MDC1: variants seen among roughly 807,000 people sequenced by gnomAD.
MDC1 encodes mediator of DNA damage checkpoint 1.
A neutral mutation model predicts 142.5 loss-of-function variants in MDC1; 81 were observed. That is an observed-to-expected ratio of 0.57 (90% CI 0.47 to 0.68). MDC1 has a LOEUF of 0.68. Among genes scored for constraint, MDC1 ranks in the 30% least tolerant of loss-of-function variants. The pLI, the probability that MDC1 is intolerant of heterozygous loss-of-function variation, is 0.00. For synonymous variants in MDC1, 797 were observed against 968.4 expected, an observed-to-expected ratio of 0.82 and a Z score of 3.29; for missense variants, 2,119 against 2,547.9, an observed-to-expected ratio of 0.83 and a Z score of 3.62.
chr6:30,707,598 C>T lies in MDC1; in HGVS notation c.2981G>A (p.Gly994Glu). ...ATGCCTCCTGGGGCTCACTGGGGAT[C>T]CCCTTCCACCTGACTGGCTCCCAGA... ...VPSGSQSGGR[G>E]SPVSPRRHQK... The change falls in exon 8 of 15, where the codon GGA (glycine) becomes GAA (glutamate). Residue 994 changes from glycine to glutamate, a missense_variant. Physicochemically the swap from Gly to Glu is moderately conservative, Grantham distance 98. Coordinates refer to ENST00000376406, the MANE Select transcript of MDC1 (RefSeq NM_014641.3). 2.5e-6 allele frequency: 4 copies of T among 1,612,294 alleles called. No individual in the cohort carries two copies. Among genetic ancestry groups the T allele is most frequent in the Non-Finnish European group, 3.4e-6 (4 of 1,179,422 alleles).
At position 30,707,869 on chromosome 6, in the gene MDC1, GT is replaced by G. The variant is rs1774174380; in HGVS notation, c.2709del (p.Lys903AsnfsTer17). On this transcript the variant is annotated frameshift_variant, in exon 8 of 15. Transcript: ENST00000376406. LOFTEE classifies it high-confidence loss of function. ...EIETSEEIQE[K>X]QVQKQTLPSK... is the part of the protein sequence containing the mutation. ...CTTGGAAGGGTCTGCTTCTGTACTT[GT>G]TTCTCTTGTATTTCCTCAGATGTCT... is the stretch of plus-strand genomic sequence containing the variant. 1 of 1,612,962 alleles carries G rather than the reference GT, an allele frequency of 6.2e-7. No individual in the cohort carries two copies. The highest frequency in any genetic ancestry group is 8.5e-7 in the Non-Finnish European group (1 of 1,180,042).
In MDC1 at chr6:30,715,755, T is replaced by C. The variant is rs2127729659; in HGVS notation, c.-3-577A>G. 6.6e-6 allele frequency among the ~76,000 whole-genome samples: 1 copy of C among 152,346 alleles called. No homozygotes were observed. The highest frequency in any genetic ancestry group is 1.9e-4 in the East Asian group (1 of 5,190). ...ATGACATATATAGAAGCTTCCTATGTGTCAAGCACTGTTCTAATTACTTTA... is the reference window on the plus strand; with the variant it reads ...ATGACATATATAGAAGCTTCCTATGCGTCAAGCACTGTTCTAATTACTTTA... On this transcript the variant is annotated intron_variant, in intron 1 of 14. Coordinates refer to ENST00000376406, the MANE Select transcript of MDC1 (RefSeq NM_014641.3). This position sits in a 1 kb window ranked among gnomAD's most constrained non-coding sequence, Gnocchi z 4.1.
chr6:30,702,788 G>T lies in MDC1; in HGVS notation c.5955C>A (p.Asp1985Glu). ...QEKNFGFSLQDALSRARERRL... is the reference protein window; with the variant it reads ...QEKNFGFSLQEALSRARERRL... Reference sequence around the variant, plus strand: ...TTCGCTCCCGAGCCCTGCTCAGTGCGTCTTGAAGGCTAAAGCCAAAGTTCT... The same window carrying T: ...TTCGCTCCCGAGCCCTGCTCAGTGCTTCTTGAAGGCTAAAGCCAAAGTTCT... Residue 1985 changes from aspartate to glutamate, a missense_variant, in exon 13 of 15, where the codon GAC becomes GAA. Asp to Glu is a conservative substitution (Grantham distance 45, BLOSUM62 2). Transcript: ENST00000376406. 1 of 1,613,138 alleles carries T rather than the reference G, an allele frequency of 6.2e-7. No homozygotes were observed.
Position 30,715,310 on chromosome 6 carries a change from C to T in MDC1, c.-3-132G>A, listed in dbSNP as rs901032432. ...GATGCTTCTCTTTCCACCAATCTTT[C>T]TGTTGTTAACCTTCTGAAGCACTTA... On this transcript the variant is annotated intron_variant, in intron 1 of 14. Coordinates refer to ENST00000376406, the MANE Select transcript of MDC1 (RefSeq NM_014641.3). This position sits in a 1 kb window ranked among gnomAD's most constrained non-coding sequence, Gnocchi z 4.1. 1 of 1,031,402 alleles carries T rather than the reference C, an allele frequency of 9.7e-7. No homozygotes were observed. The highest frequency in any genetic ancestry group is 1.6e-5 in the African/African-American group (1 of 62,178). The allele number at this position is 1,031,402 out of a possible 1,614,324, so 63.9% of individuals were successfully genotyped here.
rs748585983 is a variant in MDC1, at chr6:30,712,352, C to T, written c.1590G>A (p.Pro530=). The change falls in exon 5 of 15, where the codon CCG becomes CCA. Residue 530 remains proline, a synonymous_variant. Coordinates refer to ENST00000376406, the MANE Select transcript of MDC1 (RefSeq NM_014641.3). This position sits in a 1 kb window ranked among gnomAD's most constrained non-coding sequence, Gnocchi z 4.7. The part of the protein sequence containing the change: ...DINTQVEKEV[P]PGSAIIHIKK... ...TTATATGTATAATGGCTGACCCTGG[C>T]GGGACTTCCTTCTCCACTTGTGTGT... 2.7e-5 allele frequency: 43 copies of T among 1,612,890 alleles called. No homozygotes were observed. The highest frequency in any genetic ancestry group is 4.0e-5 in the African/African-American group (3 of 74,910).
rs1772413971 is a variant in MDC1 at position 30,700,332 on chromosome 6, T to G, written c.*133A>C. On this transcript the variant is annotated 3_prime_UTR_variant, in exon 15 of 15. Transcript: ENST00000376406. ...AATCCCTTATCTTTTCATTTATTCA[T>G]AAAGATTTCTGGTCCCACCCATGTT... is the stretch of plus-strand genomic sequence containing the variant. 1.1e-6 allele frequency: 1 copy of G among 916,938 alleles called. No homozygotes were observed. The highest frequency in any genetic ancestry group is 1.7e-5 in the African/African-American group (1 of 60,090). 56.8% of individuals were successfully genotyped at this position (916,938 alleles called of 1,614,324 possible).
In MDC1 at chr6:30,708,365, G is replaced by T; in HGVS notation, c.2222-8C>A. Reference sequence around the variant, plus strand: ...ATGGTTCATCTAGGGTACCTGGAAGGGGAGGAAGGAAGAGAGAGAGAGGGA... The same window carrying T: ...ATGGTTCATCTAGGGTACCTGGAAGTGGAGGAAGGAAGAGAGAGAGAGGGA... On this transcript the variant is annotated splice_polypyrimidine_tract_variant and splice_region_variant and intron_variant, in intron 7 of 14. Transcript: ENST00000376406. 6.2e-7 allele frequency: 1 copy of T among 1,603,878 alleles called. No homozygotes were observed. The highest frequency in any genetic ancestry group is 8.5e-7 in the Non-Finnish European group (1 of 1,176,734).
rs781739100 is a variant in MDC1 at position 30,702,735 on chromosome 6, A to G, written c.5991+17T>C. Reference sequence around the variant, plus strand: ...TGGAGGGAGGGCTGAAGCACAGGTTAAAAGATAGCCTCTCACCTCTAGCAG... The same window carrying G: ...TGGAGGGAGGGCTGAAGCACAGGTTGAAAGATAGCCTCTCACCTCTAGCAG... On this transcript the variant is annotated intron_variant, in intron 13 of 14. Coordinates refer to ENST00000376406, the MANE Select transcript of MDC1 (RefSeq NM_014641.3). 1 of 1,612,980 alleles carries G rather than the reference A, an allele frequency of 6.2e-7. No individual in the cohort carries two copies. Among genetic ancestry groups the G allele is most frequent in the African/African-American group, 1.3e-5 (1 of 74,940 alleles).
rs374207173 is a variant in MDC1 at position 30,710,393 on chromosome 6, T to G, written c.2221+1019A>C. ...CATGAGGCACTGTGCCCGGCCTACA[T>G]TTTCTTTTCTTTCGTTTTTTTGAGA... On this transcript the variant is annotated intron_variant, in intron 7 of 14. Coordinates refer to ENST00000376406, the MANE Select transcript of MDC1 (RefSeq NM_014641.3). 7.9e-5 allele frequency among the ~76,000 whole-genome samples: 12 copies of G among 150,954 alleles called. No individual in the cohort carries two copies. The East Asian group carries it at 2.4e-3, about 30-fold the overall frequency.
Position 30,715,559 on chromosome 6 carries a change from G to A in MDC1, c.-3-381C>T, listed in dbSNP as rs1439354428. Among the ~76,000 whole-genome samples the A allele has an allele frequency of 6.6e-6, 1 of 152,170 alleles. No homozygotes were observed. The highest frequency in any genetic ancestry group is 2.4e-5 in the African/African-American group (1 of 41,448). ...TTGCCATATTGGCCAGGGTGGACTC[G>A]AACTCTTGACCTTGGGTGATCCGCC... is the stretch of plus-strand genomic sequence containing the variant. On this transcript the variant is annotated intron_variant, in intron 1 of 14. Transcript: ENST00000376406. The surrounding 1 kb of genome is among the most constrained non-coding windows in gnomAD (Gnocchi z 4.1).
At chr6:30,708,415 A>G in intron 7 of MDC1, 58 bp from the exon 8 acceptor site, 2 of 1,377,194 alleles carry the variant, frequency 1.5e-6, no homozygotes, top group East Asian at 2.4e-5. Context: ...AGGGAGAGGA[A>G]GAGGGAAAGG....
intron 7 of MDC1, 22 bp downstream of exon 7, chr6:30,711,390 A>G (rs1774861196): frequency 6.3e-7 from 1 of 1,594,768 alleles, no homozygotes; most frequent in Non-Finnish European, 8.6e-7. Context: ...GGGGACACAG[A>G]GGAGGGAAGA....
In MDC1 at chr6:30,703,121, G is replaced by A; in HGVS notation, c.5848C>T (p.Leu1950=). Reference sequence around the variant, plus strand: ...CCTCTCACCTGATGCAGCCAGTCCAGGGACAGAATGGGGATTCCCCGCCCC... The same window carrying A: ...CCTCTCACCTGATGCAGCCAGTCCAAGGACAGAATGGGGATTCCCCGCCCC... The part of the protein sequence containing the change: ...ALGRGIPILS[L]DWLHQSRKAG... The change falls in exon 12 of 15, where the codon CTG becomes TTG. Residue 1950 remains leucine, a synonymous_variant. Transcript: ENST00000376406. This position sits in a 1 kb window ranked among gnomAD's most constrained non-coding sequence, Gnocchi z 4.4. 1 of 1,612,976 alleles carries A rather than the reference G, an allele frequency of 6.2e-7. No individual in the cohort carries two copies. The highest frequency in any genetic ancestry group is 8.5e-7 in the Non-Finnish European group (1 of 1,179,944).
chr6:30,705,801 G>A lies in MDC1; in HGVS notation c.3382C>T (p.His1128Tyr), dbSNP rs563004937. The A allele has an allele frequency of 3.1e-6, 5 of 1,612,756 alleles. No homozygotes were observed. In the East Asian group the frequency reaches 1.1e-4, roughly 36 times the overall value. Residue 1128 changes from histidine (H) to tyrosine (Y), a missense_variant, in exon 10 of 15, where the codon CAC (histidine) becomes TAC (tyrosine). Transcript: ENST00000376406. ...FPATSAAPEP[H>Y]PSTSTAQPVT... ...GGCTGGGCTGTGGAGGTGGAAGGGTGGGGCTCAGGGGCAGCAGAGGTAGCT... is the reference window on the plus strand; with the variant it reads ...GGCTGGGCTGTGGAGGTGGAAGGGTAGGGCTCAGGGGCAGCAGAGGTAGCT...
Position 30,713,827 on chromosome 6 carries a change from C to T in MDC1, c.493G>A (p.Ala165Thr). 1.9e-6 allele frequency: 3 copies of T among 1,614,044 alleles called. No homozygotes were observed. Among genetic ancestry groups the T allele is most frequent in the South Asian group, 2.2e-5 (2 of 91,082 alleles). The change falls in exon 3 of 15, where the codon GCT becomes ACT. Residue 165 changes from alanine to threonine, a missense_variant. Transcript: ENST00000376406. This position sits in a 1 kb window ranked among gnomAD's most constrained non-coding sequence, Gnocchi z 4.9. ...GETQPQRLLL[A>T]EDSEEEVDFL... ...CCTACTTCCTCCTCCGAGTCCTCAG[C>T]CAACAGAAGCCTCTGGGGTTGAGTT... is the stretch of plus-strand genomic sequence containing the variant.
At position 30,712,269 on chromosome 6, in the gene MDC1, C is replaced by T; in HGVS notation, c.1673G>A (p.Gly558Glu). The stretch of plus-strand genomic sequence containing the variant: ...AGATACCACAAGCAGCTTTGCTGGT[C>T]CCCCAACTGCTTTCACATCTGTTTG... ...TNQTDVKAVG[G>E]PAKLLVVSLE... The change falls in exon 5 of 15, where the codon GGA becomes GAA. Residue 558 changes from glycine to glutamate, a missense_variant. By Grantham distance (98) the Gly-to-Glu change is moderately conservative. Coordinates refer to ENST00000376406, the MANE Select transcript of MDC1 (RefSeq NM_014641.3). The surrounding 1 kb of genome is among the most constrained non-coding windows in gnomAD (Gnocchi z 4.7). 6.2e-7 allele frequency: 1 copy of T among 1,613,056 alleles called. No individual in the cohort carries two copies. The highest frequency in any genetic ancestry group is 8.5e-7 in the Non-Finnish European group (1 of 1,180,026).
In MDC1 at chr6:30,707,452, G is replaced by T; in HGVS notation, c.3016C>A (p.Leu1006Ile). ...GCAGGTGGCATCTTGCAATTCAGGA[G>T]GCCTAGACAGAAAGTAAACACAAAG... ...PVSPRRHQKG[L>I]LNCKMPPAEK... The change falls in exon 9 of 15, where the codon CTC (leucine) becomes ATC (isoleucine). Residue 1006 changes from leucine to isoleucine, a missense_variant and splice_region_variant. Transcript: ENST00000376406. 5 of 1,613,114 alleles carry T rather than the reference G, an allele frequency of 3.1e-6. No individual in the cohort carries two copies. The highest frequency in any genetic ancestry group is 4.2e-6 in the Non-Finnish European group (5 of 1,180,038).
Position 30,708,367 on chromosome 6 carries a change from GAGGA to G in MDC1, c.2222-14_2222-11del. On this transcript the variant is annotated splice_polypyrimidine_tract_variant and intron_variant, in intron 7 of 14. Transcript: ENST00000376406. ...GGTTCATCTAGGGTACCTGGAAGGG[GAGGA>G]AGGAAGAGAGAGAGAGGGAGAGGGA... 1 of 1,601,606 alleles carries G rather than the reference GAGGA, an allele frequency of 6.2e-7. No individual in the cohort carries two copies. The highest frequency in any genetic ancestry group is 8.5e-7 in the Non-Finnish European group (1 of 1,175,566).
chr6:30,701,680 C>A (rs1772716547), intron 14 of MDC1, among the ~76,000 whole-genome samples: 1 of 152,054 alleles, frequency 6.6e-6, no homozygotes, highest in South Asian at 2.1e-4. Context: ...TTATTTGAAT[C>A]CTGATTTGAA....
Sources: gnomAD v4.1 joint callset for allele counts (sites outside exome capture counted in the v4.1 genomes callset) on GRCh38, gnomAD v4.1.1 for gene constraint, Gnocchi (gnomAD v3.1) non-coding constraint, MANE v1.5 for transcripts, NCBI Gene and HGNC (gene_info 2026-07-23, HGNC 2026-07-21) for gene names.